Variants in HPGDS observed in about 807,000 individuals in gnomAD.
HPGDS encodes the protein hematopoietic prostaglandin D synthase, also known as GST class-sigma.
In HPGDS, 26 loss-of-function variants were observed where a neutral mutation model predicts 23.1. The ratio of observed to expected loss-of-function variants is 1.13; its 90% CI spans 0.83 to 1.56. The LOEUF is 1.56. Ranked by LOEUF, HPGDS falls within the 40% of genes most tolerant of loss-of-function variation. HPGDS has a pLI of 0.00. For synonymous variants in HPGDS, 95 were observed against 77.9 expected (o/e 1.22, Z -1.16); for missense variants, 268 against 236.4 (o/e 1.13, Z -0.88).
chr4:94,306,786 G>A (rs1305550292), intron 4 of HPGDS, among the ~76,000 whole-genome samples: 1 of 152,050 alleles, frequency 6.6e-6, no homozygotes, highest in Non-Finnish European at 1.5e-5. Flanking sequence ...AAAGCCAAGA[G>A]ACGGGAAATA....
At chr4:94,301,389 G>A (rs181563641) in intron 5 of HPGDS, among the ~76,000 whole-genome samples, 1 of 152,070 alleles carries the variant, frequency 6.6e-6, no homozygotes, top group Non-Finnish European at 1.5e-5. Flanking sequence ...TAATTTTTCT[G>A]GGGTTGGAAA....
At position 94,311,330 on chromosome 4, in the gene HPGDS, A is replaced by G. The variant is rs372306198; in HGVS notation, c.227-2587T>C. On this transcript the variant is annotated intron_variant, in intron 3 of 5. Transcript: ENST00000295256. ...CGTCCCATCTATACCTAATTTATTG[A>G]GAGTTTTTAGCATGAAGGGCTGTGG... Among the ~76,000 whole-genome samples the G allele has an allele frequency of 8.1e-4, 122 of 151,432 alleles. 3 individuals are homozygous for G. The South Asian group carries it at 0.025, about 31-fold the overall frequency.
intron 4 of HPGDS, 137 bp from the exon 5 acceptor site, chr4:94,302,381 A>G (rs1756060000): frequency 1.7e-6 from 1 of 605,196 alleles, no homozygotes; most frequent in Non-Finnish European, 2.9e-6. Context: ...TTTTTATTCA[A>G]ATTTATGACA....
chr4:94,332,094 G>A (rs1452642261), intron 2 of HPGDS, among the ~76,000 whole-genome samples: 1 of 152,068 alleles, frequency 6.6e-6, no homozygotes, highest in Non-Finnish European at 1.5e-5. Flanking sequence ...AGTTGGTAGA[G>A]GAAAGAAAAG....
At chr4:94,306,475 T>C (rs1445227558) in intron 4 of HPGDS, among the ~76,000 whole-genome samples, 1 of 152,068 alleles carries the variant, frequency 6.6e-6, no homozygotes, top group East Asian at 1.9e-4. Context: ...GAATGGCACC[T>C]GTGAAGGGAA....
intron 4 of HPGDS, among the ~76,000 whole-genome samples, chr4:94,307,665 C>T (rs1756163707): frequency 6.6e-6 from 1 of 152,000 alleles, no homozygotes; most frequent in Non-Finnish European, 1.5e-5. Flanking sequence ...AGAGAGCGCT[C>T]CAAGAAATAT....
At chr4:94,313,309 A>T (rs911508423) in intron 3 of HPGDS, among the ~76,000 whole-genome samples, 18 of 152,142 alleles carry the variant, frequency 1.2e-4, no homozygotes, top group Non-Finnish European at 1.2e-4. Flanking sequence ...TGCTTCCTTC[A>T]GGAGCTCTTG....
chr4:94,307,605 G>A (rs1229505666), intron 4 of HPGDS, among the ~76,000 whole-genome samples: 1 of 152,108 alleles, frequency 6.6e-6, no homozygotes, highest in Non-Finnish European at 1.5e-5. Context: ...TTCCAATGAT[G>A]ACAGCTGTGC....
rs1207708075 is a variant in HPGDS, at chr4:94,334,593, C to T, written c.37G>A (p.Gly13Arg). The T allele has an allele frequency of 1.7e-5, 27 of 1,613,096 alleles. No homozygotes were observed. The East Asian group carries it at 6.0e-4, about 36-fold the overall frequency. Reference sequence around the variant, plus strand: ...ATGTAACGAATAATTTCTGCTCTCCCCCTCATATTAAAATAAGTGAGTTTG... The same window carrying T: ...ATGTAACGAATAATTTCTGCTCTCCTCCTCATATTAAAATAAGTGAGTTTG... ...NYKLTYFNMR[G>R]RAEIIRYIFA... The change falls in exon 2 of 6, where the codon GGG becomes AGG. Residue 13 changes from glycine (G) to arginine (R), a missense_variant. Transcript: ENST00000295256.
At chr4:94,303,143 AC>A (rs1756076234) in intron 4 of HPGDS, among the ~76,000 whole-genome samples, 1 of 152,172 alleles carries the variant, frequency 6.6e-6, no homozygotes, top group African/African-American at 2.4e-5. Context: ...TTGCTGATTT[AC>A]TTGCTGTTAT....
rs1436181623 is a variant in HPGDS, at chr4:94,298,727, A to G, written c.*753T>C. 6.6e-6 allele frequency: 1 copy of G among 152,094 alleles called. No individual in the cohort carries two copies. Among genetic ancestry groups the G allele is most frequent in the Non-Finnish European group, 1.5e-5 (1 of 68,008 alleles). The allele number at this position is 152,094 out of a possible 1,614,324, so 9.4% of individuals were successfully genotyped here. On this transcript the variant is annotated 3_prime_UTR_variant, in exon 6 of 6. Transcript: ENST00000295256. ...CACAACAACTTTATTCATGTCAGTA[A>G]ATTCATCTTTACAAGTTTCTCTGGC...
intron 2 of HPGDS, among the ~76,000 whole-genome samples, chr4:94,330,182 G>A (rs78945393): frequency 0.026 from 4,004 of 152,268 alleles, 125 homozygotes; most frequent in African/African-American, 0.08. Flanking sequence ...TTGGACCTGG[G>A]TGTGATTGTA....
intron 3 of HPGDS, among the ~76,000 whole-genome samples, chr4:94,316,088 T>C (rs1010945181): frequency 6.6e-6 from 1 of 152,148 alleles, no homozygotes; most frequent in Non-Finnish European, 1.5e-5. Context: ...CCCCAAGTAG[T>C]GGCTGTATAT....
chr4:94,332,575 G>A (rs567703316), intron 2 of HPGDS, among the ~76,000 whole-genome samples: 12 of 152,328 alleles, frequency 7.9e-5, no homozygotes, highest in South Asian at 6.2e-4. Context: ...TCCTGCCAGC[G>A]CCCAAAGCGG....
chr4:94,303,800 T>G (rs907769252), intron 4 of HPGDS: 4 of 152,108 alleles, frequency 2.6e-5, no homozygotes, highest in African/African-American at 9.7e-5. Context: ...AACGTGCATT[T>G]CCAGAGCTTC....
At chr4:94,308,579 ATGTC>A in intron 4 of HPGDS, 51 bp downstream of exon 4, 3 of 863,942 alleles carry the variant, frequency 3.5e-6, no homozygotes, top group Non-Finnish European at 1.9e-6. Flanking sequence ...ACCTAACACA[ATGTC>A]TGGCAGGTGG....
intron 3 of HPGDS, among the ~76,000 whole-genome samples, chr4:94,315,569 A>T (rs1756379883): frequency 6.6e-6 from 1 of 152,132 alleles, no homozygotes; most frequent in Non-Finnish European, 1.5e-5. Flanking sequence ...AATGGTGCCA[A>T]TTTAAAATGC....
chr4:94,341,285 T>C (rs571509857), intron 1 of HPGDS, among the ~76,000 whole-genome samples: 54 of 152,302 alleles, frequency 3.5e-4, no homozygotes, highest in Non-Finnish European at 7.9e-4. Context: ...TACAAACTTT[T>C]ATAATAAAAC....
chr4:94,338,647 G>A (rs1410228174), intron 1 of HPGDS, among the ~76,000 whole-genome samples: 1 of 152,062 alleles, frequency 6.6e-6, no homozygotes, highest in Non-Finnish European at 1.5e-5. Context: ...ATACATAATG[G>A]TGAATCAATA....
Sources: gnomAD v4.1 joint callset for allele counts (sites outside exome capture counted in the v4.1 genomes callset) on GRCh38, gnomAD v4.1.1 for gene constraint, MANE v1.5 for transcripts, NCBI Gene and HGNC (gene_info 2026-07-23, HGNC 2026-07-21) for gene names.